The following LRRFIP1 variants were observed in gnomAD, a reference collection of about 807,000 sequenced individuals.
LRRFIP1 encodes LRR binding FLII interacting protein 1.
In LRRFIP1, 62 loss-of-function variants were observed where a neutral mutation model predicts 104.4. That is an observed-to-expected ratio of 0.59 (90% CI 0.48 to 0.73). The LOEUF (loss-of-function observed/expected upper bound fraction) is 0.73, where lower values mean the gene tolerates loss of function less well. Among genes scored for constraint, LRRFIP1 ranks in the 30% least tolerant of loss-of-function variants. The pLI, the probability that LRRFIP1 is intolerant of heterozygous loss-of-function variation, is 0.00. For synonymous variants in LRRFIP1, 300 were observed against 299.0 expected (o/e 1.00, Z -0.03); for missense variants, 796 against 824.5 (o/e 0.97, Z 0.42).
At chr2:237,646,728 G>T (rs1447242025) in intron 1 of LRRFIP1, among the ~76,000 whole-genome samples, 1 of 151,896 alleles carries the variant, frequency 6.6e-6, no homozygotes, top group East Asian at 1.9e-4. Context: ...CACAGTGTGG[G>T]CCGTGTGTGC....
chr2:237,760,087 A>G lies in LRRFIP1; in HGVS notation c.1341A>G (p.Ser447=). ...AGAAACATGGAATAATCCTAAATTC[A>G]GAAATAGCTACCAATGGAGAGACTT... The part of the protein sequence containing the change: ...ELKKHGIILN[S]EIATNGETSD... The change falls in exon 19 of 24, where the codon TCA becomes TCG. Residue 447 remains serine, a synonymous_variant. Coordinates refer to ENST00000308482, the MANE Select transcript of LRRFIP1 (RefSeq NM_001137550.2). 2 of 1,613,810 alleles carry G rather than the reference A, an allele frequency of 1.2e-6. No individual in the cohort carries two copies. The highest frequency in any genetic ancestry group is 2.2e-5 in the South Asian group (2 of 91,076).
intron 1 of LRRFIP1, among the ~76,000 whole-genome samples, chr2:237,673,546 T>C (rs1328373006): frequency 6.6e-6 from 1 of 152,196 alleles, no homozygotes; most frequent in East Asian, 1.9e-4. Context: ...TCGCTGGGTG[T>C]GCGGTTGTCT....
In LRRFIP1 at chr2:237,735,461, T is replaced by C. The variant is rs2095212074; in HGVS notation, c.555+128T>C. The stretch of plus-strand genomic sequence containing the variant: ...AGGAGGAAGCGCCGAGTCACCGGGC[T>C]AACCGCCACCTTCCATTGTAATGAA... On this transcript the variant is annotated intron_variant, in intron 10 of 23. Coordinates refer to ENST00000308482, the MANE Select transcript of LRRFIP1 (RefSeq NM_001137550.2). This position sits in a 1 kb window ranked among gnomAD's most constrained non-coding sequence, Gnocchi z 4.6. The C allele has an allele frequency of 5.2e-6, 4 of 771,320 alleles. No individual in the cohort carries two copies. The highest frequency in any genetic ancestry group is 8.1e-6 in the Non-Finnish European group (4 of 496,264). The allele number at this position is 771,320 out of a possible 1,614,324, so 47.8% of individuals were successfully genotyped here.
intron 1 of LRRFIP1, among the ~76,000 whole-genome samples, chr2:237,694,080 G>T (rs2093001258): frequency 6.6e-6 from 1 of 152,208 alleles, no homozygotes; most frequent in South Asian, 2.1e-4. Flanking sequence ...TTATAAGTTT[G>T]TGGCAGAATT....
rs183892596 is a variant in LRRFIP1 at position 237,643,530 on chromosome 2, A to G, written c.96+15790A>G. On this transcript the variant is annotated intron_variant, in intron 1 of 23. Transcript: ENST00000308482. ...GGCTGAGGAGTGAATGACTTCGGTCATAACCGTTACCATTGCTGTGACCTT... is the reference window on the plus strand; with the variant it reads ...GGCTGAGGAGTGAATGACTTCGGTCGTAACCGTTACCATTGCTGTGACCTT... Among the ~76,000 whole-genome samples, 224 of 152,356 alleles carry G rather than the reference A, an allele frequency of 1.5e-3. 1 individual carries two copies. The highest frequency in any genetic ancestry group is 2.5e-3 in the Non-Finnish European group (169 of 68,034).
chr2:237,753,139 G>A (rs1322818460), intron 14 of LRRFIP1, among the ~76,000 whole-genome samples, 170 bp from the exon 15 acceptor site: 1 of 152,164 alleles, frequency 6.6e-6, no homozygotes. Flanking sequence ...AAATTGAAAA[G>A]GGGGATTTCC....
intron 1 of LRRFIP1, among the ~76,000 whole-genome samples, chr2:237,666,062 C>A (rs1339808882): frequency 3.1e-4 from 47 of 152,228 alleles, no homozygotes; most frequent in Admixed American, 3.1e-3. Flanking sequence ...GGCTGCACCA[C>A]CGATTGTCCA....
rs1417663759 is a variant in LRRFIP1, at chr2:237,762,972, CAG to C, written c.1459+2771_1459+2772del. On this transcript the variant is annotated intron_variant, in intron 19 of 23. Coordinates refer to ENST00000308482, the MANE Select transcript of LRRFIP1 (RefSeq NM_001137550.2). ...AGTGACTTAGATGGTGGGAACCACACAGAGAATGTGGGAGAGGCAGCAGTGAC... is the reference window on the plus strand; with the variant it reads ...AGTGACTTAGATGGTGGGAACCACACAGAATGTGGGAGAGGCAGCAGTGAC... 8 of 1,614,200 alleles carry C rather than the reference CAG, an allele frequency of 5.0e-6. No individual in the cohort carries two copies. In the South Asian group the frequency reaches 6.6e-5, roughly 13 times the overall value.
chr2:237,762,497 T>G, intron 19 of LRRFIP1: 1 of 862,704 alleles, frequency 1.2e-6, no homozygotes, highest in Non-Finnish European at 1.8e-6. Context: ...GACTCTGTCT[T>G]TAGGAATAGG....
At position 237,739,767 on chromosome 2, in the gene LRRFIP1, G is replaced by A. The variant is rs888340791; in HGVS notation, c.633+458G>A. Reference sequence around the variant, plus strand: ...CCCTGCATCCTGCTTGTCACTCAGCGTGGCCCAAGTTTTGTTTCAGAAAAT... The same window carrying A: ...CCCTGCATCCTGCTTGTCACTCAGCATGGCCCAAGTTTTGTTTCAGAAAAT... On this transcript the variant is annotated intron_variant, in intron 11 of 23. Coordinates refer to ENST00000308482, the MANE Select transcript of LRRFIP1 (RefSeq NM_001137550.2). 7.2e-5 allele frequency among the ~76,000 whole-genome samples: 11 copies of A among 152,212 alleles called. No homozygotes were observed. The South Asian group carries it at 1.7e-3, about 23-fold the overall frequency.
At chr2:237,778,444 T>C (rs2061275916) in intron 23 of LRRFIP1, among the ~76,000 whole-genome samples, 1 of 152,182 alleles carries the variant, frequency 6.6e-6, no homozygotes, top group Non-Finnish European at 1.5e-5. Context: ...GCAGCTCGTC[T>C]TCTGCCTGAC....
intron 1 of LRRFIP1, among the ~76,000 whole-genome samples, chr2:237,698,706 C>T (rs930130835): frequency 2.1e-4 from 32 of 152,322 alleles, no homozygotes; most frequent in African/African-American, 7.5e-4. Context: ...GCTTTGATCT[C>T]TAACTTTATG....
In LRRFIP1 at chr2:237,764,211, TGTAA is replaced by T. The variant is rs1388391103; in HGVS notation, c.1459+4010_1459+4013del. 3 of 1,613,382 alleles carry T rather than the reference TGTAA, an allele frequency of 1.9e-6. No homozygotes were observed. The African/African-American group carries it at 4.0e-5, about 22-fold the overall frequency. ...AGGGGTCTTTTCTCTCCACTGCCAA[TGTAA>T]GTAGAATGTTCTAAATTCATAGAGA... On this transcript the variant is annotated intron_variant, in intron 19 of 23. Coordinates refer to ENST00000308482, the MANE Select transcript of LRRFIP1 (RefSeq NM_001137550.2).
chr2:237,738,122 T>C (rs2095307757), intron 10 of LRRFIP1, among the ~76,000 whole-genome samples: 1 of 151,958 alleles, frequency 6.6e-6, no homozygotes, highest in Admixed American at 6.6e-5. Flanking sequence ...AAGATCTATA[T>C]GAGATCACAA....
rs146946486 is a variant in LRRFIP1 at position 237,733,484 on chromosome 2, C to T, written c.445-290C>T. Reference sequence around the variant, plus strand: ...GTCACCATTCTGTCTCATCCCCTGACCCTTTCTTCCAGGAATGCCTGAAAT... The same window carrying T: ...GTCACCATTCTGTCTCATCCCCTGATCCTTTCTTCCAGGAATGCCTGAAAT... On this transcript the variant is annotated intron_variant, in intron 8 of 23. Coordinates refer to ENST00000308482, the MANE Select transcript of LRRFIP1 (RefSeq NM_001137550.2). 4.1e-4 allele frequency among the ~76,000 whole-genome samples: 63 copies of T among 152,288 alleles called. No homozygotes were observed. The East Asian group carries it at 0.011, about 26-fold the overall frequency.
chr2:237,718,686 G>A (rs2094432598), intron 4 of LRRFIP1, among the ~76,000 whole-genome samples: 1 of 152,182 alleles, frequency 6.6e-6, no homozygotes, highest in African/African-American at 2.4e-5. Flanking sequence ...GGATGGAAAT[G>A]TCCTATTAAA....
chr2:237,632,938 T>C (rs2082598184), intron 1 of LRRFIP1, among the ~76,000 whole-genome samples: 1 of 152,208 alleles, frequency 6.6e-6, no homozygotes, highest in South Asian at 2.1e-4. Context: ...TGAAAGTGAA[T>C]TTCATGACTT....
At chr2:237,776,950 G>A (rs555460114) in intron 23 of LRRFIP1, among the ~76,000 whole-genome samples, 1 of 151,890 alleles carries the variant, frequency 6.6e-6, no homozygotes, top group Non-Finnish European at 1.5e-5. Context: ...TGTCTTTTGT[G>A]TGTCATTTTT....
At chr2:237,745,208 A>T (rs1282131218) in intron 11 of LRRFIP1, among the ~76,000 whole-genome samples, 1 of 152,146 alleles carries the variant, frequency 6.6e-6, no homozygotes, top group South Asian at 2.1e-4. Context: ...GGTGGACACG[A>T]GTGGGGCTGC....
Sources: gnomAD v4.1 joint callset for allele counts (sites outside exome capture counted in the v4.1 genomes callset) on GRCh38, gnomAD v4.1.1 for gene constraint, Gnocchi (gnomAD v3.1) non-coding constraint, MANE v1.5 for transcripts, NCBI Gene and HGNC (gene_info 2026-07-23, HGNC 2026-07-21) for gene names.